Variants in SLIT1 observed in about 807,000 individuals in gnomAD.
SLIT1 encodes the protein slit guidance ligand 1, also known as slit homolog 1 protein.
SLIT1 carries 66 observed loss-of-function variants against 186.1 expected under a neutral mutation model. The observed-to-expected ratio is 0.35, with a 90% CI of 0.29 to 0.44. The LOEUF (loss-of-function observed/expected upper bound fraction) is 0.44, where lower values mean the gene tolerates loss of function less well. Among genes scored for constraint, SLIT1 ranks in the 20% least tolerant of loss-of-function variants. The probability of loss-of-function intolerance (pLI) is 1.00; values close to 1 mark genes in which losing one functional copy is unlikely to be tolerated. For synonymous variants in SLIT1, 761 were observed against 833.8 expected (o/e 0.91, Z 1.50); for missense variants, 1,638 against 2,037.4 (o/e 0.80, Z 3.77).
chr10:97,177,585 C>T (rs1351367872), intron 1 of SLIT1, among the ~76,000 whole-genome samples: 1 of 152,124 alleles, frequency 6.6e-6, no homozygotes, highest in African/African-American at 2.4e-5. Flanking sequence ...TCAGTCTAAC[C>T]ATGTTAAAGT....
chr10:97,110,325 G>C (rs1355970092), intron 4 of SLIT1, among the ~76,000 whole-genome samples: 1 of 152,096 alleles, frequency 6.6e-6, no homozygotes, highest in Non-Finnish European at 1.5e-5. Flanking sequence ...TCCACTCCCA[G>C]GTATTCACCG....
rs1848307313 is a variant in SLIT1 at position 97,001,370 on chromosome 10, A to G, written c.4367-20T>C. The stretch of plus-strand genomic sequence containing the variant: ...CGGACTCTGGATGGGACAGACACCA[A>G]GAGAAAGCCTCAGGGCACACCCATG... On this transcript the variant is annotated intron_variant, in intron 36 of 36. Transcript: ENST00000266058. The G allele has an allele frequency of 6.3e-7, 1 of 1,597,932 alleles. No individual in the cohort carries two copies. The highest frequency in any genetic ancestry group is 1.1e-5 in the South Asian group (1 of 90,436).
chr10:97,147,681 A>G (rs1451551412), intron 4 of SLIT1, among the ~76,000 whole-genome samples: 1 of 152,092 alleles, frequency 6.6e-6, no homozygotes, highest in African/African-American at 2.4e-5. Context: ...CTCACTCTCC[A>G]CTAAGTCGCC....
At chr10:97,170,979 C>T (rs1850180045) in intron 1 of SLIT1, among the ~76,000 whole-genome samples, 1 of 152,142 alleles carries the variant, frequency 6.6e-6, no homozygotes, top group Non-Finnish European at 1.5e-5. Context: ...CTCCTGTTCC[C>T]TCAGGGACTA....
chr10:97,004,136 C>T lies in SLIT1; in HGVS notation c.3797G>A (p.Ser1266Asn). The T allele has an allele frequency of 1.2e-6, 2 of 1,613,974 alleles. No individual in the cohort carries two copies. The highest frequency in any genetic ancestry group is 2.2e-5 in the East Asian group (1 of 44,872). ...QMVNLSIDGG[S>N]PMTMDNFGKH... ...GCCAAAGTTGTCCATGGTCATGGGG[C>T]TCCCGCCATCAATGGAGAGATTCAC... The change falls in exon 34 of 37, where the codon AGC (serine) becomes AAC (asparagine). Residue 1266 changes from serine (S) to asparagine (N), a missense_variant. Transcript: ENST00000266058. The surrounding 1 kb of genome is among the most constrained non-coding windows in gnomAD (Gnocchi z 5.1).
At chr10:97,031,735 C>T in intron 23 of SLIT1, 58 bp from the exon 24 acceptor site, 1 of 1,382,696 alleles carries the variant, frequency 7.2e-7, no homozygotes, top group South Asian at 1.3e-5. Context: ...CCTGTGGGCA[C>T]AGCCGCCGCC....
chr10:97,120,746 A>C (rs1008879882), intron 4 of SLIT1, among the ~76,000 whole-genome samples: 3 of 152,198 alleles, frequency 2.0e-5, no homozygotes, highest in Non-Finnish European at 4.4e-5. Context: ...GCAAGTGCTC[A>C]GTAAATATTA....
chr10:97,185,650 A>ACCC lies in SLIT1; in HGVS notation c.22_24dup (p.Gly8dup). ...TCCGGCCGGACCGGCCCCGCCGAGG[A>ACCC]CCCCCACCCGGGAGTCAGCGCCATG... On this transcript the variant is annotated inframe_insertion, in exon 1 of 37. Transcript: ENST00000266058. 4 of 1,540,804 alleles carry ACCC rather than the reference A, an allele frequency of 2.6e-6. No homozygotes were observed. Among genetic ancestry groups the ACCC allele is most frequent in the Non-Finnish European group, 3.5e-6 (4 of 1,145,912 alleles).
At chr10:97,114,327 G>A (rs976263223) in intron 4 of SLIT1, among the ~76,000 whole-genome samples, 1 of 152,156 alleles carries the variant, frequency 6.6e-6, no homozygotes, top group African/African-American at 2.4e-5. Flanking sequence ...ACAGCAGAGG[G>A]AATTATTGCA....
At chr10:97,151,006 C>T (rs2636809) in intron 4 of SLIT1, among the ~76,000 whole-genome samples, 98,739 of 151,358 alleles carry the variant, frequency 0.65, 33,244 homozygotes, top group Admixed American at 0.76. Flanking sequence ...GCCCCCCCGC[C>T]GGAAGGAGAT....
intron 4 of SLIT1, among the ~76,000 whole-genome samples, chr10:97,080,632 C>G (rs1489096716): frequency 1.3e-5 from 2 of 152,212 alleles, no homozygotes; most frequent in Non-Finnish European, 2.9e-5. Context: ...GGGGCGGGTT[C>G]ACTATAGTTC....
At chr10:97,163,254 G>A in intron 3 of SLIT1, 126 bp downstream of exon 3, 1 of 763,822 alleles carries the variant, frequency 1.3e-6, no homozygotes, top group Admixed American at 2.0e-5. Flanking sequence ...CCATCCGCTG[G>A]TGGAGGCAGG....
chr10:97,077,395 T>C (rs1396072586), intron 4 of SLIT1, among the ~76,000 whole-genome samples: 1 of 152,146 alleles, frequency 6.6e-6, no homozygotes, highest in African/African-American at 2.4e-5. Context: ...CTGCTCCCCT[T>C]CTCTGCAACC....
rs1322991253 is a variant in SLIT1 at position 97,184,020 on chromosome 10, A to C, written c.197+1458T>G. Reference sequence around the variant, plus strand: ...TCACACACACACATACACATGCACCACACACACACACACACACACACACAC... The same window carrying C: ...TCACACACACACATACACATGCACCCCACACACACACACACACACACACAC... On this transcript the variant is annotated intron_variant, in intron 1 of 36. Coordinates refer to ENST00000266058, the MANE Select transcript of SLIT1 (RefSeq NM_003061.3). This position sits in a 1 kb window ranked among gnomAD's most constrained non-coding sequence, Gnocchi z 4.4. 5.3e-5 allele frequency among the ~76,000 whole-genome samples: 2 copies of C among 37,994 alleles called. No homozygotes were observed. The highest frequency in any genetic ancestry group is 1.1e-4 in the Non-Finnish European group (2 of 18,494). The allele number at this position is 37,994 out of a possible 152,430, so 24.9% of individuals were successfully genotyped here.
At chr10:97,169,948 C>T (rs1220292200) in intron 1 of SLIT1, among the ~76,000 whole-genome samples, 3 of 152,250 alleles carry the variant, frequency 2.0e-5, no homozygotes, top group Non-Finnish European at 2.9e-5. Flanking sequence ...CTGTCTCCTA[C>T]GTCACAAGTC....
intron 28 of SLIT1, among the ~76,000 whole-genome samples, chr10:97,017,392 T>C (rs1848463222): frequency 6.6e-6 from 1 of 152,224 alleles, no homozygotes; most frequent in African/African-American, 2.4e-5. Context: ...GCCAATGTAT[T>C]GCGCCAGCAA....
chr10:97,139,539 G>A (rs977519894), intron 4 of SLIT1, among the ~76,000 whole-genome samples: 2 of 152,082 alleles, frequency 1.3e-5, no homozygotes, highest in African/African-American at 4.8e-5. Flanking sequence ...TGACAGACAG[G>A]GTACCAAAAC....
intron 4 of SLIT1, among the ~76,000 whole-genome samples, chr10:97,099,006 G>A (rs2817690): frequency 0.5 from 76,593 of 152,038 alleles, 22,121 homozygotes; most frequent in East Asian, 0.73. Flanking sequence ...TCCTCAGGCA[G>A]GGATGTTAGG....
chr10:97,168,471 T>G (rs1850147788), intron 1 of SLIT1, among the ~76,000 whole-genome samples: 1 of 152,240 alleles, frequency 6.6e-6, no homozygotes, highest in Non-Finnish European at 1.5e-5. Flanking sequence ...GTGCAAAGCA[T>G]TTTGCAAGGT....
Sources: gnomAD v4.1 joint callset for allele counts (sites outside exome capture counted in the v4.1 genomes callset) on GRCh38, gnomAD v4.1.1 for gene constraint, Gnocchi (gnomAD v3.1) non-coding constraint, MANE v1.5 for transcripts, NCBI Gene and HGNC (gene_info 2026-07-23, HGNC 2026-07-21) for gene names.